The following ATRX variants were observed in gnomAD, a reference collection of about 807,000 sequenced individuals.
ATRX encodes the protein chromatin remodeler ATRX.
Under a neutral mutation model 172.6 loss-of-function variants are expected in ATRX, and 12 were observed. The ratio of observed to expected loss-of-function variants is 0.07; its 90% CI spans 0.04 to 0.11. The LOEUF is 0.11. Among genes scored for constraint, ATRX ranks in the 10% least tolerant of loss-of-function variants. The pLI is 1.00. For synonymous variants in ATRX, 674 were observed against 594.7 expected (o/e 1.13, Z -1.94); for missense variants, 1,368 against 1,767.4 (o/e 0.77, Z 4.05).
intron 30 of ATRX, among the ~76,000 whole-genome samples, chrX:77,525,235 G>A (rs868908765): frequency 8.9e-6 from 1 of 111,852 alleles, no homozygotes; most frequent in Admixed American, 9.5e-5. Flanking sequence ...TCTGGCTTAT[G>A]CCACATACAA....
At chrX:77,612,446 A>G (rs2067198724) in intron 22 of ATRX, among the ~76,000 whole-genome samples, 2 of 110,488 alleles carry the variant, frequency 1.8e-5, no homozygotes, top group Non-Finnish European at 1.9e-5. Context: ...GAGGAAGAGC[A>G]TTAGGACAAA....
chrX:77,676,200 T>A, intron 10 of ATRX, 26 bp downstream of exon 10: 2 of 1,188,138 alleles, frequency 1.7e-6, no homozygotes, highest in East Asian at 6.0e-5. Context: ...ATAATCTTTT[T>A]AAAGTCCTTA....
At chrX:77,580,318 T>C (rs781821272) in intron 27 of ATRX, among the ~76,000 whole-genome samples, 5 of 111,535 alleles carry the variant, frequency 4.5e-5, no homozygotes, top group South Asian at 7.5e-4. Flanking sequence ...TAGAAGGTTA[T>C]AGAATATCAA....
chrX:77,517,169 GA>G (rs2063081040), intron 34 of ATRX, among the ~76,000 whole-genome samples: 1 of 108,806 alleles, frequency 9.2e-6, no homozygotes, highest in South Asian at 3.8e-4. Flanking sequence ...TAAAGAACTA[GA>G]AAAACAAAAG....
At chrX:77,705,413 G>C (rs187434305) in intron 2 of ATRX, among the ~76,000 whole-genome samples, 1 of 112,158 alleles carries the variant, frequency 8.9e-6, no homozygotes, top group Non-Finnish European at 1.9e-5. Flanking sequence ...TCTATAGACC[G>C]TGCAGCCCTG....
intron 15 of ATRX, among the ~76,000 whole-genome samples, chrX:77,649,858 C>CT: frequency 8.9e-6 from 1 of 112,025 alleles, no homozygotes; most frequent in East Asian, 2.8e-4. Flanking sequence ...TTGGGTATGT[C>CT]TTTATTAGCA....
chrX:77,773,660 G>T (rs1377256940), intron 1 of ATRX, among the ~76,000 whole-genome samples: 2 of 110,213 alleles, frequency 1.8e-5, no homozygotes, highest in African/African-American at 6.6e-5. Context: ...GCTGAGGCAG[G>T]AGAATCGCCT....
chrX:77,610,642 A>G (rs1477058641), intron 22 of ATRX, among the ~76,000 whole-genome samples: 2 of 111,373 alleles, frequency 1.8e-5, no homozygotes, highest in Non-Finnish European at 1.9e-5. Flanking sequence ...TTTTGATCAC[A>G]TTGCTATGCA....
intron 1 of ATRX, among the ~76,000 whole-genome samples, chrX:77,722,535 T>C (rs782272448): frequency 2.7e-5 from 3 of 111,161 alleles, no homozygotes; most frequent in Non-Finnish European, 3.8e-5. Context: ...GCAAAGGATA[T>C]GAACAGACAT....
intron 2 of ATRX, among the ~76,000 whole-genome samples, chrX:77,706,688 C>T (rs782622587): frequency 1.8e-5 from 2 of 110,377 alleles, no homozygotes; most frequent in Admixed American, 1.9e-4. Flanking sequence ...TCGCCTGAGG[C>T]CAGGAGTTCA....
At chrX:77,703,033 AAAACATT>A (rs1569541285) in intron 2 of ATRX, among the ~76,000 whole-genome samples, 1 of 112,740 alleles carries the variant, frequency 8.9e-6, no homozygotes, top group Non-Finnish European at 1.9e-5. Flanking sequence ...CGCCAGTGAT[AAAACATT>A]AAACATCCTT....
intron 30 of ATRX, among the ~76,000 whole-genome samples, chrX:77,553,512 T>C (rs1347315599): frequency 8.9e-6 from 1 of 112,042 alleles, no homozygotes; most frequent in African/African-American, 3.2e-5. Flanking sequence ...CTAATTTCTA[T>C]GATTTGATTC....
intron 25 of ATRX, chrX:77,596,282 A>C (rs1557083837): frequency 9.0e-6 from 1 of 111,326 alleles, no homozygotes; most frequent in Non-Finnish European, 1.9e-5. Flanking sequence ...TACTGCGCTA[A>C]GGAGGCAGAC....
Position 77,504,887 on chromosome X carries a change from G to C in ATRX, c.*3464C>G. On this transcript the variant is annotated 3_prime_UTR_variant, in exon 35 of 35. Coordinates refer to ENST00000373344, the MANE Select transcript of ATRX (RefSeq NM_000489.6). ...GAGCTTTGACACAGTATATATTTCG[G>C]ATTTAAAACTTTATTCACCCCATAT... The C allele has an allele frequency of 6.9e-6, 1 of 145,385 alleles. No individual in the cohort carries two copies. Among genetic ancestry groups the C allele is most frequent in the East Asian group, 1.1e-4 (1 of 9,141 alleles). 12.0% of individuals were successfully genotyped at this position (145,385 alleles called of 1,213,427 possible).
chrX:77,737,791 T>C (rs1212965257), intron 1 of ATRX, among the ~76,000 whole-genome samples: 1 of 110,776 alleles, frequency 9.0e-6, no homozygotes, highest in Non-Finnish European at 1.9e-5. Flanking sequence ...TACTCCCAAA[T>C]GTGATACGAG....
intron 15 of ATRX, among the ~76,000 whole-genome samples, chrX:77,638,591 A>G: frequency 1.8e-5 from 2 of 113,142 alleles, no homozygotes; most frequent in South Asian, 7.2e-4. Context: ...AAAATATGCA[A>G]TGTCATCTAT....
At chrX:77,781,599 C>T (rs2076575881) in intron 1 of ATRX, among the ~76,000 whole-genome samples, 1 of 110,908 alleles carries the variant, frequency 9.0e-6, no homozygotes. Flanking sequence ...TGAGCTTATT[C>T]CCATTTTACA....
chrX:77,585,583 CAAAAAAAAAAAAAAAAA>C (rs781792876), intron 27 of ATRX, among the ~76,000 whole-genome samples: 115 of 8,551 alleles, frequency 0.013, 1 homozygote, highest in Non-Finnish European at 0.022. Flanking sequence ...CTCCCCCCAC[CAAAAAAAAAAAAAAAAA>C]AAAAAAAAAA....
intron 7 of ATRX, 26 bp downstream of exon 7, chrX:77,688,792 T>A (rs782560050): frequency 3.6e-6 from 4 of 1,116,137 alleles, no homozygotes; most frequent in Non-Finnish European, 4.9e-6. Context: ...ATTTACGGTA[T>A]GAAATATCAA....
Sources: gnomAD v4.1 joint callset for allele counts (sites outside exome capture counted in the v4.1 genomes callset) on GRCh38, gnomAD v4.1.1 for gene constraint, MANE v1.5 for transcripts, NCBI Gene and HGNC (gene_info 2026-07-23, HGNC 2026-07-21) for gene names.